The following STPG2 variants were observed in gnomAD, a reference collection of about 807,000 sequenced individuals.
The protein encoded by STPG2 is sperm-tail PG-rich repeat-containing protein 2.
STPG2 carries 56 observed loss-of-function variants against 54.2 expected under a neutral mutation model. That is an observed-to-expected ratio of 1.03 (90% CI 0.83 to 1.29). The LOEUF (loss-of-function observed/expected upper bound fraction) is 1.29. Ranked by LOEUF, STPG2 falls within the 50% of genes most tolerant of loss-of-function variation. The pLI is 0.00. For synonymous variants in STPG2, 200 were observed against 181.8 expected (o/e 1.10, Z -0.81); for missense variants, 596 against 544.9 (o/e 1.09, Z -0.93).
chr4:97,514,122 C>T (rs1049936783), intron 4 of STPG2, among the ~76,000 whole-genome samples: 4 of 152,032 alleles, frequency 2.6e-5, no homozygotes, highest in African/African-American at 4.8e-5. Flanking sequence ...CAGATAATGA[C>T]GGTAAATTTG....
intron 4 of STPG2, among the ~76,000 whole-genome samples, chr4:97,534,798 C>T (rs577892798): frequency 6.6e-6 from 1 of 152,254 alleles, no homozygotes; most frequent in Non-Finnish European, 1.5e-5. Context: ...ACATGCAGCC[C>T]TGACAACCAC....
At chr4:98,021,449 A>T (rs1736189559) in intron 5 of STPG2, among the ~76,000 whole-genome samples, 1 of 151,302 alleles carries the variant, frequency 6.6e-6, no homozygotes, top group South Asian at 2.1e-4. Flanking sequence ...CTATGTGGTC[A>T]ATTTTGGAAT....
intron 4 of STPG2, among the ~76,000 whole-genome samples, chr4:97,504,142 T>G (rs1006382524): frequency 6.9e-6 from 1 of 145,924 alleles, no homozygotes; most frequent in African/African-American, 2.5e-5. Flanking sequence ...TTTTATTTAA[T>G]ATTTAATAAA....
chr4:97,966,705 TG>T (rs1220517742), intron 7 of STPG2, among the ~76,000 whole-genome samples: 1 of 152,130 alleles, frequency 6.6e-6, no homozygotes, highest in African/African-American at 2.4e-5. Flanking sequence ...CAGAAGAGAC[TG>T]GGGGACAATA....
intron 9 of STPG2, among the ~76,000 whole-genome samples, chr4:97,806,337 A>G (rs1727562057): frequency 6.6e-6 from 1 of 152,078 alleles, no homozygotes; most frequent in Admixed American, 6.5e-5. Context: ...GGACATCGAG[A>G]TGGGAACAGT....
At chr4:97,891,452 T>C (rs1033834139) in intron 8 of STPG2, among the ~76,000 whole-genome samples, 7 of 152,014 alleles carry the variant, frequency 4.6e-5, no homozygotes, top group Non-Finnish European at 8.8e-5. Context: ...TGAGTGCATG[T>C]TTAAGAAATA....
chr4:97,778,634 C>T (rs939402279), intron 9 of STPG2, among the ~76,000 whole-genome samples: 1 of 152,208 alleles, frequency 6.6e-6, no homozygotes. Flanking sequence ...AGACTGCCTC[C>T]CCAAGTGGGT....
downstream of STPG2, among the ~76,000 whole-genome samples, chr4:97,554,280 A>G (rs995834856): frequency 5.3e-5 from 8 of 151,640 alleles, no homozygotes; most frequent in African/African-American, 1.7e-4. Flanking sequence ...CATCATCTCT[A>G]CTCTCCCCTT....
chr4:97,987,996 A>C (rs144491567), intron 5 of STPG2, among the ~76,000 whole-genome samples: 14 of 151,496 alleles, frequency 9.2e-5, no homozygotes, highest in African/African-American at 3.4e-4. Flanking sequence ...ATCTCAGAAC[A>C]TAAGTCAAAT....
At chr4:97,950,043 G>T (rs1237330480) in intron 7 of STPG2, among the ~76,000 whole-genome samples, 1 of 151,834 alleles carries the variant, frequency 6.6e-6, no homozygotes, top group Non-Finnish European at 1.5e-5. Context: ...ACTGCATTTT[G>T]TAGTTCCCTA....
intron 8 of STPG2, among the ~76,000 whole-genome samples, chr4:97,879,073 C>T (rs1243291828): frequency 6.6e-6 from 1 of 152,184 alleles, no homozygotes; most frequent in African/African-American, 2.4e-5. Flanking sequence ...GTCACCTTTA[C>T]TCCAGTTCCC....
At chr4:97,900,461 C>G (rs934315123) in intron 8 of STPG2, among the ~76,000 whole-genome samples, 2 of 152,020 alleles carry the variant, frequency 1.3e-5, no homozygotes, top group Admixed American at 6.6e-5. Context: ...ACCATAAAAA[C>G]AGATGCACAT....
At chr4:97,909,188 T>G (rs1159553877) in intron 8 of STPG2, among the ~76,000 whole-genome samples, 1 of 151,916 alleles carries the variant, frequency 6.6e-6, no homozygotes, top group Admixed American at 6.6e-5. Flanking sequence ...TTGTTAATTA[T>G]ATATCCTAGA....
chr4:98,002,252 T>G (rs1411110548), intron 5 of STPG2, among the ~76,000 whole-genome samples: 1 of 152,090 alleles, frequency 6.6e-6, no homozygotes, highest in East Asian at 1.9e-4. Context: ...TTACTCATAT[T>G]TATTTAAGTA....
chr4:97,951,884 T>C (rs1340117071), intron 7 of STPG2, among the ~76,000 whole-genome samples: 1 of 152,068 alleles, frequency 6.6e-6, no homozygotes, highest in African/African-American at 2.4e-5. Context: ...TATGTAATGG[T>C]AGGCAGAGGT....
chr4:97,626,672 C>T (rs1734146174), intron 10 of STPG2, among the ~76,000 whole-genome samples: 1 of 152,008 alleles, frequency 6.6e-6, no homozygotes, highest in African/African-American at 2.4e-5. Flanking sequence ...CCTCCTCCTT[C>T]TCTTCCTCCT....
chr4:97,874,317 C>T (rs1730098752), intron 8 of STPG2, among the ~76,000 whole-genome samples: 1 of 151,560 alleles, frequency 6.6e-6, no homozygotes, highest in Non-Finnish European at 1.5e-5. Context: ...TTATAACATA[C>T]ATCAATTTCT....
intron 9 of STPG2, among the ~76,000 whole-genome samples, chr4:97,735,072 C>CAAA (rs33999995): frequency 1.4e-5 from 2 of 139,626 alleles, no homozygotes; most frequent in African/African-American, 5.4e-5. Flanking sequence ...GACATCGTCT[C>CAAA]AAAAAAAAAA....
intron 4 of STPG2, among the ~76,000 whole-genome samples, chr4:97,448,728 T>A (rs1332307138): frequency 1.3e-5 from 2 of 152,172 alleles, no homozygotes. Context: ...GAGAACGAAC[T>A]GATACACTCA....
Sources: allele counts gnomAD v4.1 joint callset (sites outside exome capture counted in the v4.1 genomes callset), GRCh38; gene constraint gnomAD v4.1.1; transcripts MANE v1.5; gene names NCBI Gene and HGNC (gene_info 2026-07-23, HGNC 2026-07-21).